The following IL36B variants were observed in gnomAD, a reference collection of about 807,000 sequenced individuals.
IL36B encodes the protein interleukin-36 beta.
IL36B carries 23 observed loss-of-function variants against 19.3 expected under a neutral mutation model. The observed-to-expected ratio is 1.19, with a 90% CI of 0.86 to 1.69. The LOEUF is 1.69. Ranked by LOEUF, IL36B falls within the 40% of genes most tolerant of loss-of-function variation. The pLI, the probability that IL36B is intolerant of heterozygous loss-of-function variation, is 0.00. For synonymous variants in IL36B, 59 were observed against 59.7 expected (o/e 0.99, Z 0.05); for missense variants, 217 against 200.5 (o/e 1.08, Z -0.50).
chr2:113,024,560 C>A (rs180755344), intron 5 of IL36B, among the ~76,000 whole-genome samples: 2 of 152,294 alleles, frequency 1.3e-5, no homozygotes, highest in East Asian at 3.9e-4. Context: ...TCACAGCTCT[C>A]GATCCAGGAG....
chr2:113,037,309 A>G (rs1391426520), intron 1 of IL36B, among the ~76,000 whole-genome samples: 1 of 152,228 alleles, frequency 6.6e-6, no homozygotes, highest in Non-Finnish European at 1.5e-5. Context: ...GGAACAGAAT[A>G]GAGAGTACAA....
chr2:113,042,402 T>C (rs548470910), intron 1 of IL36B, among the ~76,000 whole-genome samples: 1 of 152,358 alleles, frequency 6.6e-6, no homozygotes, highest in South Asian at 2.1e-4. Context: ...TCTATGTTTG[T>C]GAAACCATCA....
At chr2:113,036,197 C>T (rs761182504) in intron 1 of IL36B, among the ~76,000 whole-genome samples, 3 of 152,144 alleles carry the variant, frequency 2.0e-5, no homozygotes, top group Non-Finnish European at 4.4e-5. Context: ...CTGCCTGCCT[C>T]TGCCTCCCAA....
rs1322845011 is a variant in IL36B, at chr2:113,027,708, A to T, written c.261+1231T>A. The T allele has an allele frequency of 2.1e-6, 3 of 1,421,146 alleles. No individual in the cohort carries two copies. In the East Asian group the frequency reaches 7.6e-5, roughly 36 times the overall value. 88.0% of individuals were successfully genotyped at this position (1,421,146 alleles called of 1,614,324 possible). A position where few individuals can be genotyped will look rare whatever the true frequency, so the allele number is the denominator to read the frequency against. On this transcript the variant is annotated intron_variant, in intron 4 of 5. Transcript: ENST00000259213. The stretch of plus-strand genomic sequence containing the variant: ...AGTGATTTTTAGGTTTCATCTTGGG[A>T]TAGTGACATTCGAGTGAGGGTCTTG...
At chr2:113,045,496 T>C (rs1430779340) in intron 1 of IL36B, among the ~76,000 whole-genome samples, 3 of 152,196 alleles carry the variant, frequency 2.0e-5, no homozygotes. Flanking sequence ...TTCTTGAACC[T>C]GTGTTTATGG....
At chr2:113,047,831 T>G (rs561959184) in intron 1 of IL36B, among the ~76,000 whole-genome samples, 1 of 152,238 alleles carries the variant, frequency 6.6e-6, no homozygotes, top group East Asian at 1.9e-4. Context: ...GAATATGTAT[T>G]GGAAGCCCTG....
intron 1 of IL36B, among the ~76,000 whole-genome samples, chr2:113,046,779 A>C (rs1057046952): frequency 1.4e-5 from 2 of 141,878 alleles, no homozygotes; most frequent in Non-Finnish European, 3.0e-5. Context: ...ACATACTGTC[A>C]ACATAACTTA....
At chr2:113,052,276 T>A (rs1217903365) in intron 1 of IL36B, among the ~76,000 whole-genome samples, 3 of 152,150 alleles carry the variant, frequency 2.0e-5, no homozygotes, top group African/African-American at 7.2e-5. Flanking sequence ...TTAGAAAGCC[T>A]GTTGGTCCTT....
chr2:113,024,380 G>A (rs1421350742), intron 5 of IL36B, among the ~76,000 whole-genome samples: 1 of 152,174 alleles, frequency 6.6e-6, no homozygotes, highest in Non-Finnish European at 1.5e-5. Flanking sequence ...GTGTGTGTGT[G>A]TTTATGTTGG....
chr2:113,049,714 G>A (rs761731593), intron 1 of IL36B, among the ~76,000 whole-genome samples: 15 of 152,206 alleles, frequency 9.9e-5, no homozygotes, highest in African/African-American at 3.1e-4. Flanking sequence ...CAGCACTTTC[G>A]GAGGCCGAGG....
chr2:113,044,871 A>G (rs1325410346), intron 1 of IL36B, among the ~76,000 whole-genome samples: 1 of 152,074 alleles, frequency 6.6e-6, no homozygotes, highest in Non-Finnish European at 1.5e-5. Flanking sequence ...GTGATTACTA[A>G]TTATTTTGTT....
intron 1 of IL36B, among the ~76,000 whole-genome samples, chr2:113,033,730 G>A (rs1685119357): frequency 6.6e-6 from 1 of 152,182 alleles, no homozygotes; most frequent in Non-Finnish European, 1.5e-5. Flanking sequence ...TACTGCACTA[G>A]CCGGAACACA....
intron 1 of IL36B, among the ~76,000 whole-genome samples, chr2:113,049,596 A>G (rs1487414704): frequency 6.6e-6 from 1 of 152,244 alleles, no homozygotes; most frequent in Non-Finnish European, 1.5e-5. Flanking sequence ...ATATACTGCT[A>G]TTTCACACCC....
intron 3 of IL36B, 57 bp downstream of exon 3, chr2:113,030,991 T>C: frequency 7.8e-7 from 1 of 1,276,182 alleles, no homozygotes; most frequent in Non-Finnish European, 1.1e-6. Flanking sequence ...CTCAGCCTCA[T>C]TCCTGGTGAA....
At chr2:113,038,636 G>A (rs899063388) in intron 1 of IL36B, among the ~76,000 whole-genome samples, 3 of 152,216 alleles carry the variant, frequency 2.0e-5, no homozygotes, top group Admixed American at 1.3e-4. Context: ...CACTGAGGAG[G>A]TTGGTTAATG....
At chr2:113,052,124 A>G (rs572634211) in intron 1 of IL36B, among the ~76,000 whole-genome samples, 1 of 151,706 alleles carries the variant, frequency 6.6e-6, no homozygotes, top group East Asian at 1.9e-4. Flanking sequence ...TAGTTTTTGT[A>G]TTTTTAGTAG....
intron 5 of IL36B, among the ~76,000 whole-genome samples, chr2:113,024,511 G>A (rs987649895): frequency 2.6e-5 from 4 of 152,130 alleles, no homozygotes; most frequent in Admixed American, 6.5e-5. Flanking sequence ...CTGTCATCCC[G>A]TGCCTTCTCC....
intron 5 of IL36B, among the ~76,000 whole-genome samples, chr2:113,024,496 G>T (rs1341709687): frequency 6.6e-6 from 1 of 152,228 alleles, no homozygotes; most frequent in Non-Finnish European, 1.5e-5. Flanking sequence ...TGATTGAACA[G>T]AAATCTGTCA....
intron 1 of IL36B, among the ~76,000 whole-genome samples, chr2:113,039,916 G>A (rs1200463503): frequency 6.6e-6 from 1 of 152,182 alleles, no homozygotes; most frequent in African/African-American, 2.4e-5. Flanking sequence ...AGGCATGCAG[G>A]CAGATCCTGG....
Sources: allele counts gnomAD v4.1 joint callset (sites outside exome capture counted in the v4.1 genomes callset), GRCh38; gene constraint gnomAD v4.1.1; transcripts MANE v1.5; gene names NCBI Gene and HGNC (gene_info 2026-07-23, HGNC 2026-07-21).